KAT6B: variants seen among roughly 807,000 people sequenced by gnomAD.
KAT6B encodes the protein histone acetyltransferase KAT6B.
In KAT6B, 10 loss-of-function variants were observed where a neutral mutation model predicts 187.5. The observed-to-expected ratio is 0.05, with a 90% CI of 0.03 to 0.09. The LOEUF (loss-of-function observed/expected upper bound fraction) is 0.09, where lower values mean the gene tolerates loss of function less well. KAT6B is among the 10% of genes least tolerant of loss of function. The pLI is 1.00. For synonymous variants in KAT6B, 861 were observed against 926.8 expected, an observed-to-expected ratio of 0.93 and a Z score of 1.29; for missense variants, 1,952 against 2,558.9, an observed-to-expected ratio of 0.76 and a Z score of 5.12.
chr10:74,959,970 C>T lies in KAT6B; in HGVS notation c.622C>T (p.Pro208Ser). ...VSLLPHEKDQ[P>S]RADPIPICSF... ...ATTTTTTATTTTAATTTTGTCATAG[C>T]CCCGTGCTGATCCCATTCCAATATG... is the stretch of plus-strand genomic sequence containing the variant. The change falls in exon 4 of 18, where the codon CCC becomes TCC. Residue 208 changes from proline (P) to serine (S), a missense_variant and splice_region_variant. By Grantham distance (74) the Pro-to-Ser change is moderately conservative. Transcript: ENST00000287239. The T allele has an allele frequency of 6.3e-7, 1 of 1,591,980 alleles. No individual in the cohort carries two copies. Among genetic ancestry groups the T allele is most frequent in the Non-Finnish European group, 8.6e-7 (1 of 1,159,980 alleles).
chr10:74,825,041 T>G (rs1840089463), upstream of KAT6B, among the ~76,000 whole-genome samples: 1 of 152,188 alleles, frequency 6.6e-6, no homozygotes, highest in South Asian at 2.1e-4. This position sits in a 1 kb window ranked among gnomAD's most constrained non-coding sequence, Gnocchi z 5.0. Flanking sequence ...CACACAAGGA[T>G]GCCGCCGCCG....
intron 3 of KAT6B, among the ~76,000 whole-genome samples, chr10:74,897,624 A>G (rs550705976): frequency 5.9e-5 from 9 of 152,344 alleles, no homozygotes; most frequent in Admixed American, 2.0e-4. Flanking sequence ...ATCCTACAGA[A>G]TATAAAAGAT....
chr10:74,887,408 A>G (rs113352075), intron 3 of KAT6B, among the ~76,000 whole-genome samples: 20,501 of 152,024 alleles, frequency 0.13, 2,127 homozygotes, highest in South Asian at 0.28. Context: ...GCTCACTGCA[A>G]CCTCTGCCTC....
chr10:75,020,561 C>T, intron 13 of KAT6B, 21 bp from the exon 14 acceptor site: 1 of 1,547,696 alleles, frequency 6.5e-7, no homozygotes, highest in East Asian at 2.2e-5. Flanking sequence ...GAGGAATGCC[C>T]ATTTATTTTT....
Position 75,029,067 on chromosome 10 carries a change from G to A in KAT6B, c.4243G>A (p.Asp1415Asn). ...LDDHEEEEEE[D>N]EEPSHNEDHD... ...TGATCACGAAGAGGAGGAGGAAGAG[G>A]ATGAAGAGCCATCCCACAACGAGGA... Residue 1415 changes from aspartate to asparagine, a missense_variant, in exon 18 of 18, where the codon GAT (aspartate) becomes AAT (asparagine). Physicochemically the swap from Asp to Asn is conservative, Grantham distance 23. Transcript: ENST00000287239. This position sits in a 1 kb window ranked among gnomAD's most constrained non-coding sequence, Gnocchi z 6.2. 1 of 1,614,108 alleles carries A rather than the reference G, an allele frequency of 6.2e-7. No individual in the cohort carries two copies. Among genetic ancestry groups the A allele is most frequent in the Non-Finnish European group, 8.5e-7 (1 of 1,180,008 alleles).
At chr10:74,855,187 G>C (rs1842737714) in intron 3 of KAT6B, among the ~76,000 whole-genome samples, 1 of 152,206 alleles carries the variant, frequency 6.6e-6, no homozygotes, top group Non-Finnish European at 1.5e-5. Flanking sequence ...TTTGATGTCA[G>C]TGAGCTGCCA....
chr10:74,925,098 G>A (rs887397823), intron 3 of KAT6B, among the ~76,000 whole-genome samples: 4 of 152,290 alleles, frequency 2.6e-5, no homozygotes, highest in East Asian at 1.9e-4. Flanking sequence ...GGAGTGCAGT[G>A]ACATGATCTC....
At chr10:75,000,520 C>T (rs963476325) in intron 13 of KAT6B, among the ~76,000 whole-genome samples, 1 of 152,106 alleles carries the variant, frequency 6.6e-6, no homozygotes, top group Non-Finnish European at 1.5e-5. Context: ...GGACGTGTAA[C>T]TAACGCTATA....
At chr10:74,969,862 T>G in intron 5 of KAT6B, 87 bp downstream of exon 5, 1 of 1,094,608 alleles carries the variant, frequency 9.1e-7, no homozygotes, top group Non-Finnish European at 1.4e-6. Context: ...TATGGCTACT[T>G]TCTTTCTAAA....
intron 12 of KAT6B, among the ~76,000 whole-genome samples, chr10:74,985,693 C>T (rs1034353730): frequency 9.2e-5 from 14 of 152,152 alleles, no homozygotes; most frequent in Non-Finnish European, 4.4e-5. Context: ...TGGTTTTACA[C>T]TTTTGTCTCT....
Position 75,025,120 on chromosome 10 carries a change from G to A in KAT6B, c.3535G>A (p.Glu1179Lys). 1.2e-6 allele frequency: 2 copies of A among 1,614,252 alleles called. No individual in the cohort carries two copies. Among genetic ancestry groups the A allele is most frequent in the Non-Finnish European group, 1.7e-6 (2 of 1,180,044 alleles). ...ACAGCTGGAGCCTACCTGTGAGATT[G>A]AAGTGGAGGAAGATGGCAGGAAGCC... Reference protein sequence around the residue: ...MPQLEPTCEIEVEEDGRKPVL... With the variant: ...MPQLEPTCEIKVEEDGRKPVL... The change falls in exon 17 of 18, where the codon GAA (glutamate) becomes AAA (lysine). Residue 1179 changes from glutamate to lysine, a missense_variant. Physicochemically the swap from Glu to Lys is moderately conservative, Grantham distance 56. Coordinates refer to ENST00000287239, the MANE Select transcript of KAT6B (RefSeq NM_012330.4).
At chr10:74,834,639 G>A (rs7090582) in intron 1 of KAT6B, among the ~76,000 whole-genome samples, 3,851 of 151,926 alleles carry the variant, frequency 0.025, 160 homozygotes, top group African/African-American at 0.087. Flanking sequence ...CTCTTGCCTC[G>A]GTCTCCCGAG....
chr10:74,945,665 G>T lies in KAT6B; in HGVS notation c.622-14305G>T, dbSNP rs555007502. On this transcript the variant is annotated intron_variant, in intron 3 of 17. Coordinates refer to ENST00000287239, the MANE Select transcript of KAT6B (RefSeq NM_012330.4). ...GGGTCTCACCATGTTTATCAGGCTG[G>T]TCTCCAACTCCTGAGCTCAAGTGAT... Among the ~76,000 whole-genome samples the T allele has an allele frequency of 6.0e-3, 919 of 152,152 alleles. 5 individuals carry two copies. Among genetic ancestry groups the T allele is most frequent in the Admixed American group, 0.011 (162 of 15,288 alleles).
chr10:74,864,628 G>A lies in KAT6B; in HGVS notation c.621+21150G>A, dbSNP rs528305026. ...GTGATTTCAGCTCACTGCAACTTCC[G>A]CCTCCTGGGTTCAAGTGATTCTTCC... On this transcript the variant is annotated intron_variant, in intron 3 of 17. Coordinates refer to ENST00000287239, the MANE Select transcript of KAT6B (RefSeq NM_012330.4). 4.6e-5 allele frequency among the ~76,000 whole-genome samples: 7 copies of A among 151,796 alleles called. No individual in the cohort carries two copies. In the South Asian group the frequency reaches 8.3e-4, roughly 18 times the overall value.
intron 3 of KAT6B, among the ~76,000 whole-genome samples, chr10:74,907,428 TC>T (rs1846850641): frequency 1.3e-5 from 2 of 152,240 alleles, no homozygotes; most frequent in Admixed American, 1.3e-4. Context: ...AAACCTCCAT[TC>T]ATTCTGGTGT....
intron 3 of KAT6B, among the ~76,000 whole-genome samples, chr10:74,892,368 C>T (rs919740361): frequency 6.6e-6 from 1 of 152,050 alleles, no homozygotes; most frequent in Admixed American, 6.6e-5. Flanking sequence ...ACCCTGTCTC[C>T]TATAAAGGCA....
At chr10:74,846,527 C>T (rs1265844038) in intron 3 of KAT6B, among the ~76,000 whole-genome samples, 3 of 152,156 alleles carry the variant, frequency 2.0e-5, no homozygotes, top group Non-Finnish European at 2.9e-5. Context: ...CAGCCTCTGC[C>T]TCCCAGGTTC....
At chr10:74,829,138 G>T (rs959307640) in intron 1 of KAT6B, among the ~76,000 whole-genome samples, 3 of 152,158 alleles carry the variant, frequency 2.0e-5, no homozygotes, top group Non-Finnish European at 4.4e-5. Flanking sequence ...CCACACTTAG[G>T]CTTCTGAGTA....
chr10:74,882,071 C>T (rs967247279), intron 3 of KAT6B, among the ~76,000 whole-genome samples: 5 of 152,194 alleles, frequency 3.3e-5, no homozygotes, highest in South Asian at 2.1e-4. Flanking sequence ...CTTCCCGCTG[C>T]GCCTCCACCT....
Sources: gnomAD v4.1 joint callset for allele counts (sites outside exome capture counted in the v4.1 genomes callset) on GRCh38, gnomAD v4.1.1 for gene constraint, Gnocchi (gnomAD v3.1) non-coding constraint, MANE v1.5 for transcripts, NCBI Gene and HGNC (gene_info 2026-07-23, HGNC 2026-07-21) for gene names.